The following ADGRL3 variants were observed in gnomAD, a reference collection of about 807,000 sequenced individuals.
ADGRL3 encodes calcium-independent alpha-latrotoxin receptor 3.
A neutral mutation model predicts 153.5 loss-of-function variants in ADGRL3; 62 were observed. That is an observed-to-expected ratio of 0.40 (90% CI 0.33 to 0.50). ADGRL3 has a LOEUF of 0.50. ADGRL3 is among the 20% of genes least tolerant of loss of function. The pLI is 0.47. For missense variants in ADGRL3, 1,641 were observed against 1,859.4 expected (o/e 0.88, Z 2.16); for synonymous variants, 710 against 672.5 (o/e 1.06, Z -0.86).
At chr4:61,851,433 T>C (rs1482535731) in intron 9 of ADGRL3, among the ~76,000 whole-genome samples, 1 of 151,180 alleles carries the variant, frequency 6.6e-6, no homozygotes, top group Non-Finnish European at 1.5e-5. Context: ...TACAAAAAAA[T>C]TAAAAATCAG....
chr4:61,864,022 A>T (rs2098376259), intron 9 of ADGRL3, among the ~76,000 whole-genome samples: 1 of 152,188 alleles, frequency 6.6e-6, no homozygotes, highest in African/African-American at 2.4e-5. Context: ...TATAACATAT[A>T]TTTTACATGA....
intron 9 of ADGRL3, among the ~76,000 whole-genome samples, chr4:61,856,952 C>CTT (rs1187473608): frequency 5.9e-5 from 2 of 33,960 alleles, no homozygotes; most frequent in Admixed American, 3.1e-4. Flanking sequence ...TTCTTCTTCT[C>CTT]TTTCTTTCTT....
At position 61,775,883 on chromosome 4, in the gene ADGRL3, TTTTA is replaced by T. The variant is rs376527316; in HGVS notation, c.1400-37898_1400-37895del. ...GGTTACCGGTGAAGACGAATCTTGTTTTTATTTATTTATTTATTTATTTATTTAT... is the reference window on the plus strand; with the variant it reads ...GGTTACCGGTGAAGACGAATCTTGTTTTTATTTATTTATTTATTTATTTAT... On this transcript the variant is annotated intron_variant, in intron 8 of 26. Transcript: ENST00000683033. 2,871 of 324,396 alleles carry T rather than the reference TTTTA, an allele frequency of 8.9e-3. 47 individuals carry two copies. Among genetic ancestry groups the T allele is most frequent in the African/African-American group, 0.024 (1,060 of 44,274 alleles). The allele number at this position is 324,396 out of a possible 1,614,324, so 20.1% of individuals were successfully genotyped here.
intron 1 of ADGRL3, among the ~76,000 whole-genome samples, chr4:61,326,023 G>T (rs1254443860): frequency 6.6e-6 from 1 of 152,114 alleles, no homozygotes; most frequent in East Asian, 1.9e-4. Context: ...AGGAATAAGG[G>T]TCCTCAGCTA....
At chr4:61,553,967 G>A (rs999570008) in intron 4 of ADGRL3, among the ~76,000 whole-genome samples, 5 of 152,156 alleles carry the variant, frequency 3.3e-5, no homozygotes, top group African/African-American at 1.2e-4. Context: ...TTAAATTAGT[G>A]TAGGGCAATG....
intron 4 of ADGRL3, among the ~76,000 whole-genome samples, chr4:61,560,553 C>T (rs1372753995): frequency 2.6e-5 from 4 of 152,050 alleles, no homozygotes; most frequent in Non-Finnish European, 5.9e-5. Context: ...TGGGGGATAC[C>T]TGCCTTTGGA....
intron 9 of ADGRL3, among the ~76,000 whole-genome samples, chr4:61,886,622 A>T (rs2098540539): frequency 9.8e-6 from 1 of 101,670 alleles, no homozygotes; most frequent in Non-Finnish European, 2.1e-5. Context: ...AGTTTAGACT[A>T]CATTTGTTTG....
At position 61,473,946 on chromosome 4, in the gene ADGRL3, T is replaced by A. The variant is rs532146089; in HGVS notation, c.-173-23175T>A. Among the ~76,000 whole-genome samples, 5 of 152,114 alleles carry A rather than the reference T, an allele frequency of 3.3e-5. No homozygotes were observed. In the South Asian group the frequency reaches 1.0e-3, roughly 32 times the overall value. ...GAGTGGATATACACCTGTGGACAAA[T>A]GAGAATAATAAAGTATTCTGGACCC... is the stretch of plus-strand genomic sequence containing the variant. On this transcript the variant is annotated intron_variant, in intron 2 of 26. Transcript: ENST00000683033.
intron 5 of ADGRL3, among the ~76,000 whole-genome samples, chr4:61,624,299 T>C (rs974596876): frequency 6.6e-6 from 1 of 152,116 alleles, no homozygotes; most frequent in African/African-American, 2.4e-5. Flanking sequence ...ACAGCTTTTA[T>C]AGGTTATTAG....
chr4:61,325,748 TTAG>T (rs2095451280), intron 1 of ADGRL3, among the ~76,000 whole-genome samples: 1 of 152,130 alleles, frequency 6.6e-6, no homozygotes, highest in Admixed American at 6.6e-5. Context: ...ATAAAATAAA[TTAG>T]TAGAGTAAAA....
intron 6 of ADGRL3, among the ~76,000 whole-genome samples, chr4:61,701,821 AT>A (rs1010072938): frequency 1.6e-4 from 24 of 152,172 alleles, no homozygotes; most frequent in African/African-American, 5.5e-4. Flanking sequence ...ATTTGAAGAT[AT>A]TTTTTACAAT....
intron 2 of ADGRL3, among the ~76,000 whole-genome samples, chr4:61,423,318 G>C (rs2097232551): frequency 6.6e-6 from 1 of 152,102 alleles, no homozygotes; most frequent in South Asian, 2.1e-4. Flanking sequence ...CATAGAGAAG[G>C]AACAAATAGA....
intron 15 of ADGRL3, among the ~76,000 whole-genome samples, chr4:61,945,599 G>GT: frequency 7.4e-6 from 1 of 134,962 alleles, no homozygotes; most frequent in East Asian, 2.3e-4. Context: ...TTCCGTGGGC[G>GT]TAGGACCCTC....
At chr4:61,651,013 A>C (rs192005892) in intron 5 of ADGRL3, among the ~76,000 whole-genome samples, 42 of 152,270 alleles carry the variant, frequency 2.8e-4, no homozygotes, top group African/African-American at 9.9e-4. Flanking sequence ...GAAATGACAA[A>C]GAGATTTAAA....
chr4:61,248,416 T>A (rs1757924983), intron 1 of ADGRL3, among the ~76,000 whole-genome samples: 1 of 152,184 alleles, frequency 6.6e-6, no homozygotes, highest in African/African-American at 2.4e-5. Context: ...CCTCAGTCAA[T>A]TTATTGTTTA....
chr4:62,015,925 T>C (rs1323362180), intron 21 of ADGRL3, among the ~76,000 whole-genome samples: 4 of 151,884 alleles, frequency 2.6e-5, no homozygotes, highest in Non-Finnish European at 4.4e-5. Context: ...ATATATAAAC[T>C]ATCAACTTTT....
At chr4:61,786,316 TATTC>T (rs1409628353) in intron 8 of ADGRL3, among the ~76,000 whole-genome samples, 2 of 152,332 alleles carry the variant, frequency 1.3e-5, no homozygotes, top group African/African-American at 4.8e-5. Flanking sequence ...ATGGTTTAAA[TATTC>T]ATTCATTCAC....
chr4:61,720,215 G>T (rs1254039500), intron 6 of ADGRL3, among the ~76,000 whole-genome samples: 13 of 151,294 alleles, frequency 8.6e-5, no homozygotes. Flanking sequence ...TCAGCCTCCT[G>T]AGTAGCTGGG....
intron 9 of ADGRL3, among the ~76,000 whole-genome samples, chr4:61,860,286 A>G (rs1355332818): frequency 3.3e-5 from 5 of 152,156 alleles, no homozygotes. Flanking sequence ...GAACTGAACA[A>G]CAGTCCCATT....
Sources: allele counts gnomAD v4.1 joint callset (sites outside exome capture counted in the v4.1 genomes callset), GRCh38; gene constraint gnomAD v4.1.1; transcripts MANE v1.5; gene names NCBI Gene and HGNC (gene_info 2026-07-23, HGNC 2026-07-21).